The following EPAS1 variants were observed in gnomAD, a reference collection of about 807,000 sequenced individuals.
The protein encoded by EPAS1 is endothelial PAS domain protein 1.
In EPAS1, 23 loss-of-function variants were observed where a neutral mutation model predicts 87.9. The ratio of observed to expected loss-of-function variants is 0.26; its 90% CI spans 0.19 to 0.37. The LOEUF is 0.37. Ranked by LOEUF, EPAS1 falls within the 10% of genes least tolerant of loss-of-function variation. The pLI, the probability that EPAS1 is intolerant of heterozygous loss-of-function variation, is 1.00. For synonymous variants in EPAS1, 508 were observed against 444.3 expected (o/e 1.14, Z -1.80); for missense variants, 1,138 against 1,120.7 (o/e 1.02, Z -0.22).
At chr2:46,351,083 A>C (rs1282490745) in intron 2 of EPAS1, among the ~76,000 whole-genome samples, 1 of 151,974 alleles carries the variant, frequency 6.6e-6, no homozygotes, top group African/African-American at 2.4e-5. Flanking sequence ...TTTCACTCCT[A>C]CCTCCACCCC....
chr2:46,309,969 C>T (rs1683180020), intron 1 of EPAS1, among the ~76,000 whole-genome samples: 4 of 152,196 alleles, frequency 2.6e-5, no homozygotes, highest in Admixed American at 2.6e-4. Context: ...TTGGAGGAGG[C>T]CATGATTTGT....
intron 13 of EPAS1, 53 bp downstream of exon 13, chr2:46,381,775 A>C: frequency 6.2e-7 from 1 of 1,609,720 alleles, no homozygotes; most frequent in African/African-American, 1.3e-5. Context: ...TAGGGAACCC[A>C]GGGCTGCTGA....
At position 46,347,373 on chromosome 2, in the gene EPAS1, G is replaced by C. The variant is rs1271236538; in HGVS notation, c.217+310G>C. On this transcript the variant is annotated intron_variant, in intron 2 of 15. Coordinates refer to ENST00000263734, the MANE Select transcript of EPAS1 (RefSeq NM_001430.5). The surrounding 1 kb of genome is among the most constrained non-coding windows in gnomAD (Gnocchi z 4.2). ...GCTTTTGCTGACTTCTCAATTTGTT[G>C]CCATCTGGCCATAAGACCCATCCTC... The C allele has an allele frequency of 6.7e-6, 3 of 447,482 alleles. No individual in the cohort carries two copies. The highest frequency in any genetic ancestry group is 2.0e-5 in the African/African-American group (1 of 50,128). The allele number at this position is 447,482 out of a possible 1,614,324, so 27.7% of individuals were successfully genotyped here. A position where few individuals can be genotyped will look rare whatever the true frequency, so the allele number is the denominator to read the frequency against.
At chr2:46,321,409 T>G (rs1558586497) in intron 1 of EPAS1, among the ~76,000 whole-genome samples, 2 of 152,206 alleles carry the variant, frequency 1.3e-5, no homozygotes, top group African/African-American at 4.8e-5. Flanking sequence ...CTGGATCATA[T>G]GGTAATTCTG....
At chr2:46,320,773 G>C (rs1338801862) in intron 1 of EPAS1, among the ~76,000 whole-genome samples, 1 of 152,224 alleles carries the variant, frequency 6.6e-6, no homozygotes, top group African/African-American at 2.4e-5. Context: ...TTAACTTTGT[G>C]TGAGAGTTTA....
chr2:46,299,774 T>C, intron 1 of EPAS1, among the ~76,000 whole-genome samples: 1 of 151,958 alleles, frequency 6.6e-6, no homozygotes, highest in East Asian at 1.9e-4. Context: ...AGGGGAAAAA[T>C]GATTTCGACA....
At chr2:46,368,146 T>C (rs1202841417) in intron 6 of EPAS1, among the ~76,000 whole-genome samples, 2 of 152,142 alleles carry the variant, frequency 1.3e-5, no homozygotes, top group Non-Finnish European at 2.9e-5. Flanking sequence ...GTTGACAGCC[T>C]AGGATGTGAG....
intron 1 of EPAS1, among the ~76,000 whole-genome samples, chr2:46,334,138 T>C (rs989377124): frequency 6.6e-6 from 1 of 152,166 alleles, no homozygotes; most frequent in South Asian, 2.1e-4. Flanking sequence ...AGAGGGGTTC[T>C]CACACTTGCT....
intron 1 of EPAS1, among the ~76,000 whole-genome samples, chr2:46,331,564 G>C (rs1047262663): frequency 3.9e-5 from 6 of 152,232 alleles, no homozygotes; most frequent in African/African-American, 1.4e-4. Flanking sequence ...GAAAAGAACA[G>C]ATGCATTTGT....
rs564945667 is a variant in EPAS1, at chr2:46,297,799, T to G, written c.-113T>G. On this transcript the variant is annotated 5_prime_UTR_variant, in exon 1 of 16. Transcript: ENST00000263734. ...GGGGCGCTCGGGACCTGCGCGCACCTCGGACCTTCACCACCCGCCCGGGCC... is the reference window on the plus strand; with the variant it reads ...GGGGCGCTCGGGACCTGCGCGCACCGCGGACCTTCACCACCCGCCCGGGCC... 7 of 1,457,584 alleles carry G rather than the reference T, an allele frequency of 4.8e-6. No homozygotes were observed. The highest frequency in any genetic ancestry group is 6.6e-6 in the Non-Finnish European group (7 of 1,067,716). The allele number at this position is 1,457,584 out of a possible 1,614,324, so 90.3% of individuals were successfully genotyped here.
At chr2:46,303,221 A>G (rs986344393) in intron 1 of EPAS1, among the ~76,000 whole-genome samples, 3 of 152,184 alleles carry the variant, frequency 2.0e-5, no homozygotes, top group African/African-American at 4.8e-5. Context: ...AGCACACACA[A>G]TTATTTAAGA....
In EPAS1 at chr2:46,380,218, T is replaced by C. The variant is rs369210065; in HGVS notation, c.1555-9T>C. ...CCCTTGCCTCTTTGCCGGTGCTGTC[T>C]CCCCTCAGACGGATTTCAATGAGCT... On this transcript the variant is annotated splice_polypyrimidine_tract_variant and intron_variant, in intron 11 of 15. Transcript: ENST00000263734. The surrounding 1 kb of genome is among the most constrained non-coding windows in gnomAD (Gnocchi z 4.4). The C allele has an allele frequency of 5.5e-5, 88 of 1,608,568 alleles. No individual in the cohort carries two copies. The highest frequency in any genetic ancestry group is 6.7e-5 in the Non-Finnish European group (79 of 1,179,964).
rs756339853 is a variant in EPAS1 at position 46,384,692 on chromosome 2, C to T, written c.*32C>T. 35 of 1,609,702 alleles carry T rather than the reference C, an allele frequency of 2.2e-5. No homozygotes were observed. The highest frequency in any genetic ancestry group is 1.7e-4 in the Middle Eastern group (1 of 6,060). On this transcript the variant is annotated 3_prime_UTR_variant, in exon 16 of 16. Transcript: ENST00000263734. ...CCTTCTACCTGGGCAGCACCTCTGC[C>T]GACGCCGTCCCACCAGCTTCACTCT...
chr2:46,335,953 G>A (rs2017698117), intron 1 of EPAS1: 1 of 152,354 alleles, frequency 6.6e-6, no homozygotes, highest in Non-Finnish European at 1.5e-5. Flanking sequence ...TCTGTCCATA[G>A]AGTTCTCTTG....
At chr2:46,382,340 A>G in intron 14 of EPAS1, 85 bp from the exon 15 acceptor site, 6 of 1,552,648 alleles carry the variant, frequency 3.9e-6, no homozygotes, top group South Asian at 1.1e-5. Flanking sequence ...AGCACCTTTT[A>G]TAAAGGAAAG....
At chr2:46,299,878 C>T (rs1682962093) in intron 1 of EPAS1, among the ~76,000 whole-genome samples, 1 of 152,228 alleles carries the variant, frequency 6.6e-6, no homozygotes, top group Non-Finnish European at 1.5e-5. Flanking sequence ...ATTAGACTCC[C>T]AATTATTGGC....
intron 1 of EPAS1, among the ~76,000 whole-genome samples, chr2:46,310,198 C>G (rs189481235): frequency 1.3e-5 from 2 of 152,128 alleles, no homozygotes; most frequent in Non-Finnish European, 2.9e-5. Context: ...CCCATGTTCT[C>G]TTTCTGATGG....
intron 1 of EPAS1, among the ~76,000 whole-genome samples, chr2:46,298,762 C>T (rs1179647580): frequency 1.3e-5 from 2 of 152,230 alleles, no homozygotes; most frequent in African/African-American, 4.8e-5. Flanking sequence ...TTGCTGCCCT[C>T]TCGCCCTCTC....
chr2:46,338,711 G>A (rs113183279), intron 1 of EPAS1, among the ~76,000 whole-genome samples: 1 of 152,226 alleles, frequency 6.6e-6, no homozygotes, highest in Non-Finnish European at 1.5e-5. Context: ...GCTTTGACCT[G>A]CGTATGCATG....
Sources: gnomAD v4.1 joint callset for allele counts (sites outside exome capture counted in the v4.1 genomes callset) on GRCh38, gnomAD v4.1.1 for gene constraint, Gnocchi (gnomAD v3.1) non-coding constraint, MANE v1.5 for transcripts, NCBI Gene and HGNC (gene_info 2026-07-23, HGNC 2026-07-21) for gene names.